LEKR1: variants seen among roughly 807,000 people sequenced by gnomAD.
LEKR1 encodes protein LEKR1.
A neutral mutation model predicts 72.4 loss-of-function variants in LEKR1; 59 were observed. That is an observed-to-expected ratio of 0.82 (90% CI 0.66 to 1.01). LEKR1 has a LOEUF of 1.01. Among genes scored for constraint, LEKR1 ranks in the 50% least tolerant of loss-of-function variants. The probability of loss-of-function intolerance (pLI) is 0.00; values close to 1 mark genes in which losing one functional copy is unlikely to be tolerated. For synonymous variants in LEKR1, 257 were observed against 263.2 expected, an observed-to-expected ratio of 0.98 and a Z score of 0.23; for missense variants, 728 against 759.2, an observed-to-expected ratio of 0.96 and a Z score of 0.48.
intron 10 of LEKR1, chr3:157,017,317 T>A (rs1733424478): frequency 6.6e-6 from 1 of 152,210 alleles, no homozygotes; most frequent in Non-Finnish European, 1.5e-5. Context: ...CCTTACTATA[T>A]GTTGCCTATA....
chr3:156,959,009 T>C (rs1237779036), intron 6 of LEKR1, among the ~76,000 whole-genome samples: 2 of 152,184 alleles, frequency 1.3e-5, no homozygotes. Flanking sequence ...TGCCTAACTT[T>C]TGTTATTAGC....
intron 3 of LEKR1, among the ~76,000 whole-genome samples, chr3:156,869,176 C>G (rs1379894138): frequency 1.3e-5 from 2 of 151,922 alleles, no homozygotes; most frequent in Non-Finnish European, 2.9e-5. Context: ...ACAAGTATCC[C>G]TTTGATATAC....
chr3:156,924,878 A>T (rs190469075), intron 4 of LEKR1: 463 of 176,404 alleles, frequency 2.6e-3, no homozygotes, highest in Non-Finnish European at 4.4e-3. Flanking sequence ...AAGAAATATA[A>T]TTACTCTAAC....
At chr3:156,933,299 T>C (rs1480983467) in intron 5 of LEKR1, among the ~76,000 whole-genome samples, 5 of 152,226 alleles carry the variant, frequency 3.3e-5, no homozygotes, top group African/African-American at 1.2e-4. Context: ...TATATGTTTT[T>C]GTTATTTTTT....
intron 12 of LEKR1, among the ~76,000 whole-genome samples, chr3:157,040,663 C>T (rs536193192): frequency 7.9e-4 from 120 of 152,348 alleles, no homozygotes; most frequent in African/African-American, 2.7e-3. Flanking sequence ...CCCCACCCAC[C>T]TGGACAGCCA....
chr3:156,899,319 TATATAC>T (rs1560063284), intron 3 of LEKR1, among the ~76,000 whole-genome samples: 28 of 130,346 alleles, frequency 2.1e-4, no homozygotes, highest in African/African-American at 5.7e-4. Context: ...CACACATGTA[TATATAC>T]ATATATACAT....
intron 10 of LEKR1, among the ~76,000 whole-genome samples, chr3:157,015,914 A>T (rs1204828838): frequency 6.6e-6 from 1 of 152,196 alleles, no homozygotes; most frequent in Non-Finnish European, 1.5e-5. Flanking sequence ...AAATTAGATT[A>T]TCTGATATTA....
chr3:156,850,883 C>T (rs1252150963), intron 2 of LEKR1, among the ~76,000 whole-genome samples: 1 of 152,076 alleles, frequency 6.6e-6, no homozygotes, highest in African/African-American at 2.4e-5. Context: ...TATAATGAGA[C>T]GTTGGTTTGC....
At chr3:156,895,194 A>G (rs1721049894) in intron 3 of LEKR1, among the ~76,000 whole-genome samples, 1 of 152,242 alleles carries the variant, frequency 6.6e-6, no homozygotes, top group Non-Finnish European at 1.5e-5. Context: ...ATTTACAAGA[A>G]AAAACAACCC....
intron 3 of LEKR1, among the ~76,000 whole-genome samples, chr3:156,919,046 A>G (rs1475497072): frequency 3.3e-5 from 5 of 152,178 alleles, no homozygotes; most frequent in Non-Finnish European, 7.3e-5. Flanking sequence ...TTAGTTCCCA[A>G]GATAGCAGGT....
chr3:156,866,973 C>T (rs1242356501), intron 3 of LEKR1, among the ~76,000 whole-genome samples: 2 of 151,998 alleles, frequency 1.3e-5, no homozygotes, highest in Non-Finnish European at 2.9e-5. Flanking sequence ...AAGAAGGGCT[C>T]TGAGTTACAG....
At chr3:157,014,425 C>T (rs769955890) in intron 10 of LEKR1, among the ~76,000 whole-genome samples, 1 of 151,826 alleles carries the variant, frequency 6.6e-6, no homozygotes, top group African/African-American at 2.4e-5. Flanking sequence ...AAGAAATAGT[C>T]AATTTCAATT....
At chr3:156,904,022 G>T (rs1356115247) in intron 3 of LEKR1, among the ~76,000 whole-genome samples, 2 of 152,170 alleles carry the variant, frequency 1.3e-5, no homozygotes, top group African/African-American at 4.8e-5. Context: ...ATTATATTGG[G>T]TGGCCAAACA....
chr3:156,957,561 A>C (rs59980662), intron 6 of LEKR1, among the ~76,000 whole-genome samples: 2 of 151,910 alleles, frequency 1.3e-5, no homozygotes, highest in Non-Finnish European at 2.9e-5. Context: ...AAAACAATAC[A>C]GTACTGTAAT....
Position 156,852,757 on chromosome 3 carries a change from C to T in LEKR1, c.49-11C>T, listed in dbSNP as rs1489936431. On this transcript the variant is annotated splice_polypyrimidine_tract_variant and intron_variant, in intron 2 of 12. Coordinates refer to ENST00000356539, the MANE Select transcript of LEKR1 (RefSeq NM_001004316.3). ...TAAAAAAATTTGGTAAGTGTATGTT[C>T]TGTTTCCTAGATGTTGCCTGAAGAA... The T allele has an allele frequency of 6.9e-7, 1 of 1,450,706 alleles. No individual in the cohort carries two copies. The highest frequency in any genetic ancestry group is 9.2e-7 in the Non-Finnish European group (1 of 1,085,316). The allele number at this position is 1,450,706 out of a possible 1,614,324, so 89.9% of individuals were successfully genotyped here.
intron 6 of LEKR1, among the ~76,000 whole-genome samples, chr3:156,965,123 A>G (rs1728454714): frequency 6.6e-6 from 1 of 152,142 alleles, no homozygotes. Context: ...AAAAGTTTCT[A>G]AATCCATCAG....
At chr3:156,839,346 C>A (rs1349047810) in intron 2 of LEKR1, among the ~76,000 whole-genome samples, 1 of 152,158 alleles carries the variant, frequency 6.6e-6, no homozygotes, top group Non-Finnish European at 1.5e-5. Context: ...TGGAAGAGAA[C>A]CCTGACAGAA....
At chr3:156,830,704 G>A (rs1004343800) in intron 2 of LEKR1, among the ~76,000 whole-genome samples, 5 of 152,058 alleles carry the variant, frequency 3.3e-5, no homozygotes, top group African/African-American at 1.2e-4. Flanking sequence ...TCCACAGAGT[G>A]AGCAGAGAGT....
At chr3:157,017,223 G>A (rs1468692238) in intron 10 of LEKR1, 3 of 152,192 alleles carry the variant, frequency 2.0e-5, no homozygotes, top group Non-Finnish European at 4.4e-5. Flanking sequence ...GCTGAATTTA[G>A]TCTGTGGGCC....
Sources: allele counts gnomAD v4.1 joint callset (sites outside exome capture counted in the v4.1 genomes callset), GRCh38; gene constraint gnomAD v4.1.1; transcripts MANE v1.5; gene names NCBI Gene and HGNC (gene_info 2026-07-23, HGNC 2026-07-21).